The following WWOX variants were observed in gnomAD, a reference collection of about 807,000 sequenced individuals.
WWOX encodes WW domain containing oxidoreductase.
In WWOX, 69 loss-of-function variants were observed where a neutral mutation model predicts 46.2. The ratio of observed to expected loss-of-function variants is 1.49; its 90% confidence interval spans 1.23 to 1.82. The LOEUF (loss-of-function observed/expected upper bound fraction) is 1.82. WWOX is among the 40% of genes most tolerant of loss of function. The pLI is 0.00. For missense variants in WWOX, 919 were observed against 542.6 expected, an observed-to-expected ratio of 1.69 and a Z score of -6.89; for synonymous variants, 359 against 202.6, an observed-to-expected ratio of 1.77 and a Z score of -6.56.
At chr16:78,980,314 C>T (rs1018285610) in intron 8 of WWOX, among the ~76,000 whole-genome samples, 13 of 152,284 alleles carry the variant, frequency 8.5e-5, no homozygotes, top group African/African-American at 3.1e-4. Flanking sequence ...GGCTCTTTGC[C>T]TTCAGGATTT....
At chr16:78,904,744 A>G (rs1259802778) in intron 8 of WWOX, among the ~76,000 whole-genome samples, 1 of 152,138 alleles carries the variant, frequency 6.6e-6, no homozygotes, top group South Asian at 2.1e-4. Context: ...CCTATCTATG[A>G]TCTGTCACAC....
intron 5 of WWOX, among the ~76,000 whole-genome samples, chr16:78,274,299 A>C (rs1191057134): frequency 6.6e-6 from 1 of 152,138 alleles, no homozygotes; most frequent in East Asian, 1.9e-4. Context: ...AAGAATGATC[A>C]CTGTTCCTTC....
At chr16:78,925,319 C>T (rs1352115279) in intron 8 of WWOX, among the ~76,000 whole-genome samples, 2 of 152,158 alleles carry the variant, frequency 1.3e-5, no homozygotes, top group Admixed American at 1.3e-4. Flanking sequence ...CCCTCAACTG[C>T]CCGGATGATA....
intron 5 of WWOX, among the ~76,000 whole-genome samples, chr16:78,266,219 G>C (rs2079358834): frequency 1.3e-5 from 2 of 152,118 alleles, no homozygotes; most frequent in Non-Finnish European, 2.9e-5. Flanking sequence ...ATAGAATAAT[G>C]TTTTATTACA....
intron 8 of WWOX, among the ~76,000 whole-genome samples, chr16:79,171,033 A>T (rs1024253902): frequency 1.3e-5 from 2 of 152,236 alleles, no homozygotes; most frequent in African/African-American, 4.8e-5. Flanking sequence ...AGGATTAGTC[A>T]GCCTAGAGAA....
At chr16:79,083,835 CTT>C (rs2048806078) in intron 8 of WWOX, among the ~76,000 whole-genome samples, 1 of 152,188 alleles carries the variant, frequency 6.6e-6, no homozygotes, top group Non-Finnish European at 1.5e-5. Context: ...ATAGGAGACT[CTT>C]TTGCCAGATG....
At chr16:78,295,211 T>A (rs773401192) in intron 5 of WWOX, among the ~76,000 whole-genome samples, 3 of 152,146 alleles carry the variant, frequency 2.0e-5, no homozygotes, top group Non-Finnish European at 4.4e-5. Context: ...GCAGATCAGA[T>A]GTGTTAGAGC....
chr16:78,564,489 A>G (rs2044516270), intron 8 of WWOX, among the ~76,000 whole-genome samples: 2 of 152,204 alleles, frequency 1.3e-5, no homozygotes, highest in African/African-American at 2.4e-5. Context: ...TCTCCCTCAC[A>G]AGGATCAGGT....
At chr16:78,433,854 A>C (rs1159629089) in intron 8 of WWOX, among the ~76,000 whole-genome samples, 1 of 122,612 alleles carries the variant, frequency 8.2e-6, no homozygotes, top group Non-Finnish European at 1.6e-5. Context: ...CAGTGGCGGG[A>C]TCTCGGCTCA....
At chr16:78,965,351 C>G (rs750797243) in intron 8 of WWOX, among the ~76,000 whole-genome samples, 6 of 152,004 alleles carry the variant, frequency 3.9e-5, no homozygotes, top group Non-Finnish European at 8.8e-5. Flanking sequence ...GGTGGAGCAC[C>G]TGAGGTTAGG....
chr16:78,174,371 C>T (rs2035263187), intron 5 of WWOX, among the ~76,000 whole-genome samples: 2 of 152,066 alleles, frequency 1.3e-5, no homozygotes, highest in Admixed American at 6.5e-5. Flanking sequence ...AAGACCGGCC[C>T]CCATGATTCA....
At chr16:78,580,799 A>G (rs1312502181) in intron 8 of WWOX, among the ~76,000 whole-genome samples, 3 of 152,228 alleles carry the variant, frequency 2.0e-5, no homozygotes, top group Admixed American at 2.0e-4. Context: ...AATGCCATGT[A>G]TGATGGCCTT....
intron 8 of WWOX, among the ~76,000 whole-genome samples, chr16:78,777,989 G>A (rs1296291209): frequency 6.9e-6 from 1 of 145,054 alleles, no homozygotes; most frequent in East Asian, 2.1e-4. Context: ...AAGTTGTAGT[G>A]AGCCAAGATC....
chr16:78,834,104 C>T (rs944976753), intron 8 of WWOX, among the ~76,000 whole-genome samples: 3 of 152,220 alleles, frequency 2.0e-5, no homozygotes, highest in South Asian at 4.1e-4. Context: ...ACGTCTGGAA[C>T]TGAGCAGTAT....
At chr16:78,368,870 C>T (rs1031244621) in intron 5 of WWOX, among the ~76,000 whole-genome samples, 8 of 152,176 alleles carry the variant, frequency 5.3e-5, no homozygotes, top group Non-Finnish European at 7.4e-5. Context: ...GCAGGCTGCA[C>T]GTGTGCACTG....
intron 8 of WWOX, among the ~76,000 whole-genome samples, chr16:78,663,086 C>A (rs2047254401): frequency 6.6e-6 from 1 of 152,162 alleles, no homozygotes; most frequent in Non-Finnish European, 1.5e-5. Flanking sequence ...GTGCAGACAT[C>A]ACCACTATCT....
intron 8 of WWOX, among the ~76,000 whole-genome samples, chr16:78,754,118 C>T (rs932653926): frequency 1.3e-5 from 2 of 152,002 alleles, no homozygotes; most frequent in African/African-American, 4.8e-5. Context: ...TAAATGGATT[C>T]CGCCAGGCAT....
At chr16:79,142,901 G>C (rs1267016945) in intron 8 of WWOX, among the ~76,000 whole-genome samples, 1 of 151,944 alleles carries the variant, frequency 6.6e-6, no homozygotes, top group Non-Finnish European at 1.5e-5. Flanking sequence ...ACAAGTTCTC[G>C]CCTTATTGCC....
chr16:79,025,080 C>G (rs928528848), intron 8 of WWOX, among the ~76,000 whole-genome samples: 1 of 152,092 alleles, frequency 6.6e-6, no homozygotes, highest in African/African-American at 2.4e-5. Context: ...CCTCCCCATT[C>G]CACTCCCAAG....
Sources: gnomAD v4.1 joint callset for allele counts (sites outside exome capture counted in the v4.1 genomes callset) on GRCh38, gnomAD v4.1.1 for gene constraint, MANE v1.5 for transcripts, NCBI Gene and HGNC (gene_info 2026-07-23, HGNC 2026-07-21) for gene names.